PVT1: variants seen among roughly 807,000 people sequenced by gnomAD.
PVT1 encodes the protein CXCR4/PVT1 fusion.
chr8:127,945,098 G>C (rs1563646517), intron 3 of PVT1, among the ~76,000 whole-genome samples: 1 of 152,218 alleles, frequency 6.6e-6, no homozygotes, highest in Non-Finnish European at 1.5e-5. Context: ...AGTTGGATCA[G>C]AGGAGAATGA....
intron 2 of PVT1, among the ~76,000 whole-genome samples, chr8:127,826,994 C>CTTTTTTTT (rs5894901): frequency 2.6e-5 from 3 of 113,940 alleles, no homozygotes; most frequent in Non-Finnish European, 5.1e-5. Flanking sequence ...TTCTTTTTCT[C>CTTTTTTTT]TTTTTTTTTT....
intron 3 of PVT1, among the ~76,000 whole-genome samples, chr8:127,904,713 C>T (rs1418347993): frequency 1.3e-5 from 2 of 152,182 alleles, no homozygotes; most frequent in East Asian, 1.9e-4. Flanking sequence ...TTCCATTTTA[C>T]CACTGACAGA....
At chr8:127,861,441 T>A (rs527295912) in intron 2 of PVT1, among the ~76,000 whole-genome samples, 4 of 152,318 alleles carry the variant, frequency 2.6e-5, no homozygotes, top group African/African-American at 9.6e-5. Flanking sequence ...AAACCCTGCC[T>A]CTACTAAAAA....
At chr8:128,089,417 C>T (rs887760696) in intron 5 of PVT1, among the ~76,000 whole-genome samples, 3 of 152,120 alleles carry the variant, frequency 2.0e-5, no homozygotes, top group Admixed American at 2.0e-4. Context: ...TCATGACCAT[C>T]ACCCCCCAAT....
intron 3 of PVT1, among the ~76,000 whole-genome samples, chr8:127,954,295 C>CTTTTTTT (rs11387135): frequency 8.6e-6 from 1 of 116,016 alleles, no homozygotes; most frequent in African/African-American, 3.3e-5. Context: ...CAAGTACCCA[C>CTTTTTTT]TTTTTTTTTT....
chr8:127,962,301 G>A (rs143535865), intron 3 of PVT1, among the ~76,000 whole-genome samples: 7 of 152,328 alleles, frequency 4.6e-5, no homozygotes, highest in African/African-American at 1.7e-4. Context: ...CTGGCTCACT[G>A]GGAGTGGGCC....
chr8:127,859,469 C>T (rs948625935), intron 2 of PVT1, among the ~76,000 whole-genome samples: 2 of 152,144 alleles, frequency 1.3e-5, no homozygotes, highest in African/African-American at 4.8e-5. Flanking sequence ...TTCCTTCCTA[C>T]GACCCTAGAC....
At chr8:127,813,411 A>T (rs1814624198) in intron 2 of PVT1, among the ~76,000 whole-genome samples, 1 of 152,010 alleles carries the variant, frequency 6.6e-6, no homozygotes, top group Non-Finnish European at 1.5e-5. Context: ...TGATTTCTGA[A>T]CTAAGAAAAG....
At chr8:127,949,454 C>T (rs1586451059) in intron 3 of PVT1, among the ~76,000 whole-genome samples, 1 of 142,352 alleles carries the variant, frequency 7.0e-6, no homozygotes, top group East Asian at 2.2e-4. Context: ...TCTCCTCTCT[C>T]CCCTACCTTC....
intron 2 of PVT1, among the ~76,000 whole-genome samples, chr8:127,873,614 G>GT (rs1815375515): frequency 6.6e-6 from 1 of 152,150 alleles, no homozygotes; most frequent in South Asian, 2.1e-4. Context: ...AGTAAAGGGA[G>GT]TTGTTAATTT....
At chr8:128,005,507 G>A (rs1817236432) in intron 4 of PVT1, among the ~76,000 whole-genome samples, 1 of 152,166 alleles carries the variant, frequency 6.6e-6, no homozygotes, top group South Asian at 2.1e-4. Context: ...TAGTCTTGTC[G>A]TCTTTCCCCT....
At chr8:127,924,759 C>T (rs912407580) in intron 3 of PVT1, among the ~76,000 whole-genome samples, 4 of 152,150 alleles carry the variant, frequency 2.6e-5, no homozygotes, top group Non-Finnish European at 5.9e-5. Flanking sequence ...GATCCGCCCA[C>T]CTCGGCCTCC....
At chr8:127,894,847 G>T (rs1438612633) in intron 3 of PVT1, among the ~76,000 whole-genome samples, 1 of 152,228 alleles carries the variant, frequency 6.6e-6, no homozygotes, top group Non-Finnish European at 1.5e-5. Flanking sequence ...CTGAGCCTGT[G>T]ACTTGAGTAG....
chr8:128,067,873 T>C (rs1813928974), intron 4 of PVT1, among the ~76,000 whole-genome samples: 1 of 152,144 alleles, frequency 6.6e-6, no homozygotes, highest in Admixed American at 6.5e-5. Context: ...TCATGCTGTC[T>C]TCATGTCCTT....
intron 2 of PVT1, among the ~76,000 whole-genome samples, chr8:127,840,945 T>A (rs1260394623): frequency 6.6e-6 from 1 of 152,246 alleles, no homozygotes; most frequent in Non-Finnish European, 1.5e-5. Context: ...TCCAGTTCTG[T>A]CAGGTTCTGC....
intron 3 of PVT1, among the ~76,000 whole-genome samples, chr8:127,916,848 T>G (rs887001155): frequency 3.9e-5 from 6 of 152,188 alleles, no homozygotes; most frequent in African/African-American, 1.4e-4. Context: ...GAGCTGAAGC[T>G]TTCTGGGTTG....
At chr8:127,859,530 C>T (rs909862977) in intron 2 of PVT1, among the ~76,000 whole-genome samples, 6 of 152,130 alleles carry the variant, frequency 3.9e-5, no homozygotes, top group Non-Finnish European at 2.9e-5. Flanking sequence ...AGTAACCTCA[C>T]ATAAGAAGCT....
intron 2 of PVT1, among the ~76,000 whole-genome samples, chr8:127,873,341 C>G (rs1402948155): frequency 6.6e-6 from 1 of 152,166 alleles, no homozygotes; most frequent in Non-Finnish European, 1.5e-5. Flanking sequence ...AAGGGTAACA[C>G]TTTCTTAACC....
At chr8:127,879,486 G>A (rs1011105629) in intron 2 of PVT1, among the ~76,000 whole-genome samples, 8 of 152,152 alleles carry the variant, frequency 5.3e-5, no homozygotes, top group African/African-American at 1.7e-4. Context: ...CTGAGATCAC[G>A]CCACTGCACT....
Sources: allele counts gnomAD v4.1 joint callset (sites outside exome capture counted in the v4.1 genomes callset), GRCh38; gene constraint gnomAD v4.1.1; transcripts MANE v1.5; gene names NCBI Gene and HGNC (gene_info 2026-07-23, HGNC 2026-07-21).